Variants in ENAH observed in about 807,000 individuals in gnomAD.
The protein encoded by ENAH is protein enabled homolog.
ENAH carries 23 observed loss-of-function variants against 78.7 expected under a neutral mutation model. The ratio of observed to expected loss-of-function variants is 0.29; its 90% CI spans 0.21 to 0.41. The LOEUF is 0.41. Ranked by LOEUF, ENAH falls within the 10% of genes least tolerant of loss-of-function variation. The pLI, the probability that ENAH is intolerant of heterozygous loss-of-function variation, is 1.00. For synonymous variants in ENAH, 226 were observed against 241.0 expected (o/e 0.94, Z 0.58); for missense variants, 544 against 691.0 (o/e 0.79, Z 2.39).
chr1:225,510,375 T>C (rs142758767), intron 10 of ENAH, among the ~76,000 whole-genome samples: 111 of 152,300 alleles, frequency 7.3e-4, no homozygotes, highest in African/African-American at 2.7e-3. Flanking sequence ...AGAGGATCTA[T>C]AGCTCTCATC....
chr1:225,535,467 C>T, intron 3 of ENAH: 1 of 1,263,402 alleles, frequency 7.9e-7, no homozygotes, highest in Non-Finnish European at 1.0e-6. Context: ...GTAGCATGTA[C>T]CACAGCTTGA....
intron 2 of ENAH, among the ~76,000 whole-genome samples, chr1:225,555,446 G>C (rs547991973): frequency 2.4e-4 from 37 of 152,162 alleles, no homozygotes; most frequent in African/African-American, 7.9e-4. Flanking sequence ...GCCAGGCGCA[G>C]TGGCGGGTGC....
At chr1:225,648,939 T>C (rs1662474967) in intron 1 of ENAH, among the ~76,000 whole-genome samples, 1 of 152,082 alleles carries the variant, frequency 6.6e-6, no homozygotes, top group Non-Finnish European at 1.5e-5. Context: ...CTTCCTCACC[T>C]ATAAAATAAT....
intron 1 of ENAH, among the ~76,000 whole-genome samples, chr1:225,612,259 C>T (rs960172021): frequency 6.6e-5 from 10 of 152,296 alleles, no homozygotes; most frequent in Admixed American, 2.0e-4. Flanking sequence ...AAAGGGAAGA[C>T]GTACTGACAC....
chr1:225,614,589 A>G (rs1033063273), intron 1 of ENAH, among the ~76,000 whole-genome samples: 5 of 152,094 alleles, frequency 3.3e-5, no homozygotes, highest in Admixed American at 6.6e-5. Flanking sequence ...ATCACTGGCC[A>G]CTGGTTATCA....
rs1254530012 is a variant in ENAH, at chr1:225,489,267, G to C, written c.*8508C>G. The C allele has an allele frequency of 6.6e-6, 1 of 152,170 alleles. No individual in the cohort carries two copies. Among genetic ancestry groups the C allele is most frequent in the East Asian group, 1.9e-4 (1 of 5,188 alleles). The allele number at this position is 152,170 out of a possible 1,614,324, so 9.4% of individuals were successfully genotyped here. A position where few individuals can be genotyped will look rare whatever the true frequency, so the allele number is the denominator to read the frequency against. ...TTGGAATCAGTCTTTCTGAACGGCA[G>C]AATGTGCTTCCAGGTTGAAGCACAA... On this transcript the variant is annotated 3_prime_UTR_variant, in exon 14 of 14. Coordinates refer to ENST00000366843, the MANE Select transcript of ENAH (RefSeq NM_018212.6).
chr1:225,621,288 CTA>C (rs1656849784), intron 1 of ENAH, among the ~76,000 whole-genome samples: 4 of 150,260 alleles, frequency 2.7e-5, no homozygotes, highest in African/African-American at 7.3e-5. Flanking sequence ...TTCTTTAAAT[CTA>C]TCTCTCTTTT....
At chr1:225,585,030 C>G (rs1274653575) in intron 1 of ENAH, among the ~76,000 whole-genome samples, 2 of 151,838 alleles carry the variant, frequency 1.3e-5, no homozygotes, top group Non-Finnish European at 2.9e-5. Flanking sequence ...TCCTGGCCAA[C>G]ATGGTGAAAC....
intron 1 of ENAH, among the ~76,000 whole-genome samples, chr1:225,647,102 T>G (rs1662119320): frequency 6.6e-6 from 1 of 152,136 alleles, no homozygotes; most frequent in East Asian, 1.9e-4. Context: ...GGCACGCGCC[T>G]GTAGTCTCAG....
At position 225,516,624 on chromosome 1, in the gene ENAH, A is replaced by G. The variant is rs539803044; in HGVS notation, c.913+572T>C. ...GTGCGGTGCTCACACTTGTAATCCT[A>G]GCAACTTTGGGAGGCCGAAGGGGCA... On this transcript the variant is annotated intron_variant, in intron 6 of 13. Transcript: ENST00000366843. 5.3e-5 allele frequency among the ~76,000 whole-genome samples: 8 copies of G among 152,266 alleles called. 3 individuals are homozygous for G. Among genetic ancestry groups the G allele is most frequent in the African/African-American group, 1.9e-4 (8 of 41,542 alleles).
chr1:225,548,221 T>C (rs1336068446), intron 3 of ENAH, among the ~76,000 whole-genome samples: 2 of 151,962 alleles, frequency 1.3e-5, no homozygotes, highest in Non-Finnish European at 2.9e-5. Context: ...TTTTTTTTTT[T>C]TGGACATTAG....
At chr1:225,618,266 C>CA (rs1218804510) in intron 1 of ENAH, among the ~76,000 whole-genome samples, 1 of 152,130 alleles carries the variant, frequency 6.6e-6, no homozygotes, top group Non-Finnish European at 1.5e-5. Flanking sequence ...TCAACTTTTC[C>CA]AAAAACTGGG....
intron 11 of ENAH, among the ~76,000 whole-genome samples, 171 bp downstream of exon 11, chr1:225,507,780 A>C (rs953637522): frequency 6.6e-6 from 1 of 152,176 alleles, no homozygotes; most frequent in African/African-American, 2.4e-5. Flanking sequence ...CTAGTAATGT[A>C]GATGAGTAAT....
intron 10 of ENAH, among the ~76,000 whole-genome samples, chr1:225,510,382 C>T (rs1249764642): frequency 6.6e-6 from 1 of 152,098 alleles, no homozygotes; most frequent in Non-Finnish European, 1.5e-5. Flanking sequence ...CTATAGCTCT[C>T]ATCATATTCT....
upstream of ENAH, chr1:225,653,250 C>CG (rs1368399648): frequency 7.7e-5 from 11 of 142,998 alleles, no homozygotes; most frequent in Admixed American, 7.6e-4. This position sits in a 1 kb window ranked among gnomAD's most constrained non-coding sequence, Gnocchi z 4.3. Flanking sequence ...AAAGGGGAGG[C>CG]GGGGGGCCGG....
At chr1:225,543,873 A>G (rs1575470728) in intron 3 of ENAH, among the ~76,000 whole-genome samples, 1 of 151,986 alleles carries the variant, frequency 6.6e-6, no homozygotes, top group Non-Finnish European at 1.5e-5. Flanking sequence ...TCTTCAAAAG[A>G]CTCCTTAGAA....
chr1:225,594,890 GCT>G (rs1002145489), intron 1 of ENAH, among the ~76,000 whole-genome samples: 6 of 152,262 alleles, frequency 3.9e-5, no homozygotes, highest in African/African-American at 9.6e-5. Context: ...AACTACATAT[GCT>G]CTCAATAAAC....
intron 1 of ENAH, among the ~76,000 whole-genome samples, chr1:225,642,471 A>T: frequency 6.6e-6 from 1 of 152,164 alleles, no homozygotes; most frequent in Admixed American, 6.5e-5. Flanking sequence ...TAGACACACC[A>T]GATGAACCTA....
chr1:225,618,028 C>T (rs1377771938), intron 1 of ENAH, among the ~76,000 whole-genome samples: 1 of 152,148 alleles, frequency 6.6e-6, no homozygotes, highest in Non-Finnish European at 1.5e-5. Context: ...CATTACCAGC[C>T]AGAACTAAGT....
Sources: allele counts gnomAD v4.1 joint callset (sites outside exome capture counted in the v4.1 genomes callset), GRCh38; gene constraint gnomAD v4.1.1; non-coding constraint Gnocchi (gnomAD v3.1); transcripts MANE v1.5; gene names NCBI Gene and HGNC (gene_info 2026-07-23, HGNC 2026-07-21).